DAB1: variants seen among roughly 807,000 people sequenced by gnomAD.
The protein encoded by DAB1 is disabled homolog 1.
DAB1 carries 15 observed loss-of-function variants against 64.6 expected under a neutral mutation model. The ratio of observed to expected loss-of-function variants is 0.23; its 90% CI spans 0.16 to 0.36. The LOEUF (loss-of-function observed/expected upper bound fraction) is 0.36. Ranked by LOEUF, DAB1 falls within the 10% of genes least tolerant of loss-of-function variation. The probability of loss-of-function intolerance (pLI) is 1.00; values close to 1 mark genes in which losing one functional copy is unlikely to be tolerated. For synonymous variants in DAB1, 235 were observed against 251.9 expected, an observed-to-expected ratio of 0.93 and a Z score of 0.64; for missense variants, 596 against 706.7, an observed-to-expected ratio of 0.84 and a Z score of 1.78.
At chr1:57,979,661 G>A (rs1311656139) in intron 5 of DAB1, among the ~76,000 whole-genome samples, 1 of 152,206 alleles carries the variant, frequency 6.6e-6, no homozygotes, top group East Asian at 1.9e-4. Context: ...TAATGGAATG[G>A]GATTTGGTGT....
At chr1:57,059,240 A>G (rs1355663311) in intron 9 of DAB1, among the ~76,000 whole-genome samples, 1 of 152,194 alleles carries the variant, frequency 6.6e-6, no homozygotes, top group Non-Finnish European at 1.5e-5. Context: ...TTTGGTAGAT[A>G]ATAACATAGA....
intron 5 of DAB1, chr1:58,048,885 A>G: frequency 1.1e-6 from 1 of 921,014 alleles, no homozygotes; most frequent in Non-Finnish European, 1.8e-6. Context: ...TCAGTCAGTC[A>G]TGATTTCAAT....
At chr1:57,099,674 A>G (rs1303565362) in intron 4 of DAB1, among the ~76,000 whole-genome samples, 1 of 152,230 alleles carries the variant, frequency 6.6e-6, no homozygotes, top group East Asian at 1.9e-4. Flanking sequence ...CTGATGCAAG[A>G]GCATTATCTA....
intron 4 of DAB1, among the ~76,000 whole-genome samples, chr1:58,337,888 A>C (rs1378953094): frequency 1.3e-5 from 2 of 152,248 alleles, no homozygotes; most frequent in Admixed American, 6.5e-5. Context: ...CAAAATGAAA[A>C]AGTTGTACAG....
At chr1:58,066,672 C>T (rs1648872457) in intron 5 of DAB1, among the ~76,000 whole-genome samples, 1 of 152,120 alleles carries the variant, frequency 6.6e-6, no homozygotes, top group Non-Finnish European at 1.5e-5. Flanking sequence ...GGCATCTGGG[C>T]TCTCGGGTGG....
intron 9 of DAB1, among the ~76,000 whole-genome samples, chr1:57,041,959 A>G (rs1647843275): frequency 6.6e-6 from 1 of 151,896 alleles, no homozygotes; most frequent in South Asian, 2.1e-4. Context: ...CAACTTCCCA[A>G]CTCCTGTTCT....
chr1:58,337,915 T>C (rs1372312212), intron 4 of DAB1, among the ~76,000 whole-genome samples: 1 of 152,100 alleles, frequency 6.6e-6, no homozygotes, highest in Non-Finnish European at 1.5e-5. Context: ...TACACAACAA[T>C]GTGCATATAG....
At chr1:57,509,907 G>A (rs749935752) in intron 7 of DAB1, among the ~76,000 whole-genome samples, 2 of 152,030 alleles carry the variant, frequency 1.3e-5, no homozygotes, top group Admixed American at 1.3e-4. Context: ...CTCCACCTAT[G>A]CTCCACATCT....
chr1:58,195,125 GGAGAGA>G (rs746199650), intron 4 of DAB1, among the ~76,000 whole-genome samples: 1 of 140,076 alleles, frequency 7.1e-6, no homozygotes, highest in Non-Finnish European at 1.5e-5. Flanking sequence ...AGGGCCACCA[GGAGAGA>G]GAGAGAGAGA....
intron 2 of DAB1, among the ~76,000 whole-genome samples, chr1:57,192,864 A>T (rs187588100): frequency 6.6e-6 from 1 of 152,212 alleles, no homozygotes; most frequent in African/African-American, 2.4e-5. Flanking sequence ...TAGTATACTC[A>T]TAAGGTTGTA....
At chr1:58,430,901 T>C (rs970086143) in intron 3 of DAB1, among the ~76,000 whole-genome samples, 2 of 152,198 alleles carry the variant, frequency 1.3e-5, no homozygotes, top group African/African-American at 2.4e-5. Flanking sequence ...GAAGAACTAG[T>C]TGCCAAGTCT....
chr1:58,517,115 G>T (rs11581395), intron 2 of DAB1, among the ~76,000 whole-genome samples: 47,287 of 152,044 alleles, frequency 0.31, 7,783 homozygotes, highest in African/African-American at 0.42. Context: ...GTACTATCAT[G>T]ATTCTCACTA....
At chr1:58,233,390 C>T (rs2100356888) in intron 4 of DAB1, among the ~76,000 whole-genome samples, 1 of 152,202 alleles carries the variant, frequency 6.6e-6, no homozygotes, top group Middle Eastern at 3.4e-3. Flanking sequence ...AGTAGCAGGG[C>T]TAGGATTTGA....
chr1:57,313,063 C>T (rs1306871287), intron 1 of DAB1, among the ~76,000 whole-genome samples: 1 of 152,124 alleles, frequency 6.6e-6, no homozygotes, highest in African/African-American at 2.4e-5. Context: ...CTGTCGTTAT[C>T]CAGGAGCAGA....
At chr1:57,258,214 A>G (rs2100546139) in intron 2 of DAB1, among the ~76,000 whole-genome samples, 1 of 152,338 alleles carries the variant, frequency 6.6e-6, no homozygotes, top group Non-Finnish European at 1.5e-5. Flanking sequence ...TCAAAGCAGT[A>G]GGGACGCAAG....
At chr1:57,490,528 A>T (rs1004041688) in intron 7 of DAB1, among the ~76,000 whole-genome samples, 6 of 150,434 alleles carry the variant, frequency 4.0e-5, no homozygotes, top group Admixed American at 6.6e-5. Flanking sequence ...TTATGAAATT[A>T]AAAAAAAAAT....
At chr1:57,738,411 T>C (rs1353743413) in intron 6 of DAB1, among the ~76,000 whole-genome samples, 1 of 152,220 alleles carries the variant, frequency 6.6e-6, no homozygotes, top group African/African-American at 2.4e-5. Context: ...TTGTAACATA[T>C]AATTATTAAC....
chr1:58,107,321 A>C (rs1185540672), intron 5 of DAB1, among the ~76,000 whole-genome samples: 2 of 148,914 alleles, frequency 1.3e-5, no homozygotes, highest in Non-Finnish European at 3.0e-5. Flanking sequence ...AAAAAAAAAA[A>C]GTAGCTGGGC....
At chr1:57,777,760 T>C (rs1649881360) in intron 6 of DAB1, among the ~76,000 whole-genome samples, 1 of 152,118 alleles carries the variant, frequency 6.6e-6, no homozygotes, top group Non-Finnish European at 1.5e-5. Context: ...GATCTATAAC[T>C]ATTTACTGAC....
Sources: allele counts gnomAD v4.1 joint callset (sites outside exome capture counted in the v4.1 genomes callset), GRCh38; gene constraint gnomAD v4.1.1; transcripts MANE v1.5; gene names NCBI Gene and HGNC (gene_info 2026-07-23, HGNC 2026-07-21).